The following LAMP1 variants were observed in gnomAD, a reference collection of about 807,000 sequenced individuals.
LAMP1 encodes the protein lysosome associated membrane protein 1.
Under a neutral mutation model 37.5 loss-of-function variants are expected in LAMP1, and 7 were observed. The observed-to-expected ratio is 0.19, with a 90% CI of 0.11 to 0.35. The LOEUF (loss-of-function observed/expected upper bound fraction) is 0.35. Ranked by LOEUF, LAMP1 falls within the 10% of genes least tolerant of loss-of-function variation. The probability of loss-of-function intolerance (pLI) is 1.00; values close to 1 mark genes in which losing one functional copy is unlikely to be tolerated. For synonymous variants in LAMP1, 236 were observed against 229.1 expected, an observed-to-expected ratio of 1.03 and a Z score of -0.27; for missense variants, 537 against 552.8, an observed-to-expected ratio of 0.97 and a Z score of 0.29.
chr13:113,321,874 A>G lies in LAMP1; in HGVS notation c.1114+147A>G. 1.3e-6 allele frequency: 1 copy of G among 768,954 alleles called. No homozygotes were observed. The highest frequency in any genetic ancestry group is 2.8e-5 in the Admixed American group (1 of 36,314). 47.6% of individuals were successfully genotyped at this position (768,954 alleles called of 1,614,324 possible). ...TTTCTTCTTGCCGGTCTGAGATTCT[A>G]GAGGTAACTCCCCCTGCTTTAGAGA... On this transcript the variant is annotated intron_variant, in intron 8 of 8. Coordinates refer to ENST00000332556, the MANE Select transcript of LAMP1 (RefSeq NM_005561.4). The surrounding 1 kb of genome is among the most constrained non-coding windows in gnomAD (Gnocchi z 5.6).
At chr13:113,301,501 T>C (rs2042570844) in intron 1 of LAMP1, among the ~76,000 whole-genome samples, 1 of 151,326 alleles carries the variant, frequency 6.6e-6, no homozygotes, top group Non-Finnish European at 1.5e-5. Context: ...CGTACCCCTG[T>C]AGTCATAGCT....
chr13:113,309,300 T>C (rs1203478879), intron 2 of LAMP1, among the ~76,000 whole-genome samples: 1 of 152,098 alleles, frequency 6.6e-6, no homozygotes, highest in Non-Finnish European at 1.5e-5. Flanking sequence ...GGGGTCTTGC[T>C]ATGTTGCCCA....
At chr13:113,301,937 A>C (rs1192531128) in intron 1 of LAMP1, among the ~76,000 whole-genome samples, 1 of 134,256 alleles carries the variant, frequency 7.4e-6, no homozygotes, top group African/African-American at 2.9e-5. Flanking sequence ...ATCTCGGCTC[A>C]CTGCAAGCTC....
chr13:113,305,051 T>C (rs1049845104), intron 1 of LAMP1: 1 of 152,236 alleles, frequency 6.6e-6, no homozygotes, highest in African/African-American at 2.4e-5. Flanking sequence ...GCTTTAGGCT[T>C]GAAGAACAGT....
rs1266422763 is a variant in LAMP1, at chr13:113,297,515, G to T, written c.61+20G>T. On this transcript the variant is annotated intron_variant, in intron 1 of 8. Coordinates refer to ENST00000332556, the MANE Select transcript of LAMP1 (RefSeq NM_005561.4). The surrounding 1 kb of genome is among the most constrained non-coding windows in gnomAD (Gnocchi z 4.4). ...TGCTCGGTGAGGGGGTCGAGGCGGG[G>T]CCTGGGAGCGGCGGGACCGGGCGGA... The T allele has an allele frequency of 2.4e-6, 3 of 1,236,180 alleles. No homozygotes were observed. Among genetic ancestry groups the T allele is most frequent in the African/African-American group, 3.1e-5 (2 of 64,208 alleles). 76.6% of individuals were successfully genotyped at this position (1,236,180 alleles called of 1,614,324 possible).
In LAMP1 at chr13:113,320,132, C is replaced by T. The variant is rs528111435; in HGVS notation, c.751-213C>T. ...GTGGTGCTGCTGGTTGCCCTCCACG[C>T]GGGGACGCTGCACTCCAAGAGCAGC... On this transcript the variant is annotated intron_variant, in intron 5 of 8. Transcript: ENST00000332556. The surrounding 1 kb of genome is among the most constrained non-coding windows in gnomAD (Gnocchi z 4.4). 6.0e-4 allele frequency among the ~76,000 whole-genome samples: 91 copies of T among 152,198 alleles called. No homozygotes were observed. The highest frequency in any genetic ancestry group is 6.8e-3 in the Middle Eastern group (2 of 294).
rs763236095 is a variant in LAMP1 at position 113,322,316 on chromosome 13, G to T, written c.1149G>T (p.Leu383=). The change falls in exon 9 of 9, where the codon CTG becomes CTT. Residue 383 remains leucine (L), a synonymous_variant. Coordinates refer to ENST00000332556, the MANE Select transcript of LAMP1 (RefSeq NM_005561.4). ...EECLLDENSM[L]IPIAVGGALA... is the part of the protein sequence containing the mutation. ...GTCTGCTGGACGAGAACAGCATGCT[G>T]ATCCCCATCGCTGTGGGTGGTGCCC... The T allele has an allele frequency of 6.2e-7, 1 of 1,613,774 alleles. No individual in the cohort carries two copies. The highest frequency in any genetic ancestry group is 8.5e-7 in the Non-Finnish European group (1 of 1,179,932).
intron 1 of LAMP1, 122 bp from the exon 2 acceptor site, chr13:113,306,363 A>AAG: frequency 8.2e-7 from 1 of 1,226,458 alleles, no homozygotes; most frequent in East Asian, 2.5e-5. Context: ...CAAAAAAAAA[A>AAG]AAAGAGAAAC....
intron 1 of LAMP1, among the ~76,000 whole-genome samples, chr13:113,301,626 T>A: frequency 2.6e-5 from 1 of 38,760 alleles, no homozygotes; most frequent in Non-Finnish European, 4.1e-5. Flanking sequence ...CTGTTTCCAT[T>A]TAAAAAAAAA....
rs2042698522 is a variant in LAMP1 at position 113,321,408 on chromosome 13, C to T, written c.881C>T (p.Ala294Val). The change falls in exon 7 of 9, where the codon GCA becomes GTA. Residue 294 changes from alanine (A) to valine (V), a missense_variant. Ala to Val is a moderately conservative substitution (Grantham distance 64). Transcript: ENST00000332556. The surrounding 1 kb of genome is among the most constrained non-coding windows in gnomAD (Gnocchi z 5.6). ...AAGATCATTTTTCTTTTTAAGAATG[C>T]AAGTTCTAGCCGGTTTTTCCTACAA... is the stretch of plus-strand genomic sequence containing the variant. The part of the protein sequence containing the change: ...TVLLFQFGMN[A>V]SSSRFFLQGI... 2 of 1,613,060 alleles carry T rather than the reference C, an allele frequency of 1.2e-6. No homozygotes were observed. The highest frequency in any genetic ancestry group is 1.1e-5 in the South Asian group (1 of 91,052).
chr13:113,314,397 C>T, intron 4 of LAMP1, among the ~76,000 whole-genome samples: 1 of 115,972 alleles, frequency 8.6e-6, no homozygotes. Context: ...TGCCCATGTG[C>T]CTGGGGCGTG....
rs371265207 is a variant in LAMP1 at position 113,322,388 on chromosome 13, G to C, written c.1221G>C (p.Arg407Ser). The C allele has an allele frequency of 1.2e-5, 19 of 1,613,656 alleles. No homozygotes were observed. The highest frequency in any genetic ancestry group is 1.6e-4 in the Middle Eastern group (1 of 6,064). The change falls in exon 9 of 9, where the codon AGG becomes AGC. Residue 407 changes from arginine to serine, a missense_variant. By Grantham distance (110) the Arg-to-Ser change is moderately radical. Transcript: ENST00000332556. ...LIVLIAYLVG[R>S]KRSHAGYQTI is the part of the protein sequence containing the mutation. ...TCCTCATCGCCTACCTCGTCGGCAG[G>C]AAGAGGAGTCACGCAGGCTACCAGA...
chr13:113,303,478 T>A (rs1190064672), intron 1 of LAMP1, among the ~76,000 whole-genome samples: 2 of 151,998 alleles, frequency 1.3e-5, no homozygotes, highest in African/African-American at 4.8e-5. Context: ...CTGTGACACC[T>A]GTCAGGTTAC....
chr13:113,319,690 G>A (rs746772656), intron 5 of LAMP1, 34 bp downstream of exon 5: 26 of 1,582,392 alleles, frequency 1.6e-5, no homozygotes, highest in Non-Finnish European at 2.2e-5. Context: ...AGAGGGGGAC[G>A]GCACGGTAGG....
intron 1 of LAMP1, chr13:113,305,933 G>A (rs2042595946): frequency 6.6e-6 from 1 of 152,514 alleles, no homozygotes; most frequent in South Asian, 2.1e-4. Flanking sequence ...GCACTAAATA[G>A]CAATAGACTA....
intron 4 of LAMP1, among the ~76,000 whole-genome samples, chr13:113,318,737 A>G (rs2042680267): frequency 6.6e-6 from 1 of 150,730 alleles, no homozygotes; most frequent in African/African-American, 2.5e-5. Flanking sequence ...TGGGGATTTC[A>G]GACGCACCCA....
Position 113,322,568 on chromosome 13 carries a change from G to T in LAMP1, c.*147G>T. On this transcript the variant is annotated 3_prime_UTR_variant, in exon 9 of 9. Coordinates refer to ENST00000332556, the MANE Select transcript of LAMP1 (RefSeq NM_005561.4). ...AAGTTCATCTTGCAGCATTTACTAT[G>T]CACAACAGAGTAACTATCGAAATGA... is the stretch of plus-strand genomic sequence containing the variant. The T allele has an allele frequency of 1.5e-6, 1 of 656,744 alleles. No homozygotes were observed. The highest frequency in any genetic ancestry group is 2.5e-6 in the Non-Finnish European group (1 of 408,030). The allele number at this position is 656,744 out of a possible 1,614,324, so 40.7% of individuals were successfully genotyped here.
In LAMP1 at chr13:113,302,215, C is replaced by T. The variant is rs535597136; in HGVS notation, c.62-4270C>T. 1.1e-4 allele frequency among the ~76,000 whole-genome samples: 17 copies of T among 151,448 alleles called. No homozygotes were observed. In the South Asian group the frequency reaches 2.9e-3, roughly 26 times the overall value. ...TTTTCTTCTTTTTTTGAGACAGTCT[C>T]TTTATGTTGTCCAGTCTGGAGTGCA... is the stretch of plus-strand genomic sequence containing the variant. On this transcript the variant is annotated intron_variant, in intron 1 of 8. Coordinates refer to ENST00000332556, the MANE Select transcript of LAMP1 (RefSeq NM_005561.4).
At chr13:113,307,461 G>C (rs1387536886) in intron 2 of LAMP1, among the ~76,000 whole-genome samples, 1 of 152,028 alleles carries the variant, frequency 6.6e-6, no homozygotes, top group Admixed American at 6.6e-5. Flanking sequence ...CCCAGCTCTA[G>C]TTTTCTTCGT....
Sources: gnomAD v4.1 joint callset for allele counts (sites outside exome capture counted in the v4.1 genomes callset) on GRCh38, gnomAD v4.1.1 for gene constraint, Gnocchi (gnomAD v3.1) non-coding constraint, MANE v1.5 for transcripts, NCBI Gene and HGNC (gene_info 2026-07-23, HGNC 2026-07-21) for gene names.